Variants in PDE1C observed in about 807,000 individuals in gnomAD.
The protein encoded by PDE1C is dual specificity calcium/calmodulin-dependent 3',5'-cyclic nucleotide phosphodiesterase 1C.
A neutral mutation model predicts 93.1 loss-of-function variants in PDE1C; 62 were observed. The observed-to-expected ratio is 0.67, with a 90% CI of 0.54 to 0.82. The LOEUF (loss-of-function observed/expected upper bound fraction) is 0.82, where lower values mean the gene tolerates loss of function less well. Ranked by LOEUF, PDE1C falls within the 40% of genes least tolerant of loss-of-function variation. The pLI, the probability that PDE1C is intolerant of heterozygous loss-of-function variation, is 0.00. For missense variants in PDE1C, 742 were observed against 884.6 expected (o/e 0.84, Z 2.04); for synonymous variants, 325 against 310.1 (o/e 1.05, Z -0.50).
intron 1 of PDE1C, among the ~76,000 whole-genome samples, chr7:32,271,067 G>A (rs1810929787): frequency 6.6e-6 from 1 of 152,342 alleles, no homozygotes; most frequent in East Asian, 1.9e-4. Flanking sequence ...GAACCCAGGA[G>A]GCAGAGGTTG....
chr7:32,333,658 C>T (rs1247595958), intron 1 of PDE1C, among the ~76,000 whole-genome samples: 3 of 152,182 alleles, frequency 2.0e-5, no homozygotes, highest in South Asian at 4.1e-4. Context: ...ATTTAGCCTC[C>T]TTGACTCAGT....
At chr7:31,957,681 G>C (rs779362766) in intron 2 of PDE1C, among the ~76,000 whole-genome samples, 1 of 152,134 alleles carries the variant, frequency 6.6e-6, no homozygotes, top group Admixed American at 6.5e-5. Context: ...GTGCAGCATT[G>C]CATACACTGG....
chr7:31,986,028 C>G (rs1472733491), intron 2 of PDE1C, among the ~76,000 whole-genome samples: 2 of 152,126 alleles, frequency 1.3e-5, no homozygotes, highest in African/African-American at 4.8e-5. Flanking sequence ...TCACATCTAC[C>G]TGGAAAACTT....
intron 2 of PDE1C, among the ~76,000 whole-genome samples, chr7:32,177,157 A>G (rs1262006765): frequency 6.6e-6 from 1 of 152,252 alleles, no homozygotes; most frequent in African/African-American, 2.4e-5. Flanking sequence ...TGCTCAGCCC[A>G]TGCTGAACTG....
Position 32,342,692 on chromosome 7 carries a change from T to G in PDE1C, c.310+85130A>C, listed in dbSNP as rs1783780812. The stretch of plus-strand genomic sequence containing the variant: ...AAATTTAAATTCCTGTTCTACTAAT[T>G]GTGTGATCTTGGGCAAGTGAGGCCT... On this transcript the variant is annotated intron_variant, in intron 1 of 1. Transcript: ENST00000672256. Among the ~76,000 whole-genome samples the G allele has an allele frequency of 4.6e-5, 7 of 152,270 alleles. No homozygotes were observed. In the South Asian group the frequency reaches 1.2e-3, roughly 27 times the overall value.
At chr7:31,717,016 G>C in the PDE1C span, among the ~76,000 whole-genome samples, 2 of 152,164 alleles carry the variant, frequency 1.3e-5, no homozygotes, top group Non-Finnish European at 2.9e-5. Context: ...TTCATGCAAA[G>C]CATAAAATAT....
intron 1 of PDE1C, among the ~76,000 whole-genome samples, chr7:32,212,116 T>C (rs563958443): frequency 9.3e-4 from 138 of 149,100 alleles, no homozygotes; most frequent in African/African-American, 3.3e-3. Flanking sequence ...AACTTTAAAA[T>C]GACATTTTAA....
intron 3 of PDE1C, among the ~76,000 whole-genome samples, chr7:32,122,559 C>T (rs1326549239): frequency 6.6e-6 from 1 of 152,166 alleles, no homozygotes; most frequent in African/African-American, 2.4e-5. Flanking sequence ...GATTAAGAAA[C>T]TTACTCAAAA....
chr7:32,026,174 A>G (rs1199346267), intron 2 of PDE1C, among the ~76,000 whole-genome samples: 1 of 152,138 alleles, frequency 6.6e-6, no homozygotes, highest in Non-Finnish European at 1.5e-5. Flanking sequence ...TGCCTCCAAG[A>G]TAATTAGAGT....
chr7:31,829,294 T>G (rs1002218879), intron 11 of PDE1C, among the ~76,000 whole-genome samples: 9 of 152,102 alleles, frequency 5.9e-5, no homozygotes, highest in African/African-American at 2.2e-4. Flanking sequence ...CTCTACCTCA[T>G]AGGGTTATAA....
intron 3 of PDE1C, among the ~76,000 whole-genome samples, chr7:32,144,353 TGGCAGCC>T (rs1297020534): frequency 6.6e-6 from 1 of 152,166 alleles, no homozygotes. Context: ...ACTACCAGCT[TGGCAGCC>T]TTTGTGGAAA....
At chr7:31,983,297 T>C (rs1013281560) in intron 2 of PDE1C, among the ~76,000 whole-genome samples, 1 of 152,138 alleles carries the variant, frequency 6.6e-6, no homozygotes, top group Non-Finnish European at 1.5e-5. Flanking sequence ...ATGATCAAAG[T>C]AGAGTCTTAT....
Position 32,161,505 on chromosome 7 carries a change from C to T in PDE1C, c.308+8280G>A, listed in dbSNP as rs191005454. On this transcript the variant is annotated intron_variant, in intron 3 of 18. Transcript: ENST00000396193. ...AAGTTATTGCTCATGCAACTGGAGA[C>T]GAGAAGTGCATTTACCTCGCACCCC... 3.8e-3 allele frequency among the ~76,000 whole-genome samples: 580 copies of T among 152,242 alleles called. 4 individuals carry two copies. The highest frequency in any genetic ancestry group is 0.013 in the African/African-American group (528 of 41,536).
In PDE1C at chr7:32,209,543, G is replaced by GA. The variant is rs112791453; in HGVS notation, c.86-5dup. On this transcript the variant is annotated splice_region_variant and splice_polypyrimidine_tract_variant and intron_variant, in intron 1 of 18. Transcript: ENST00000396193. ...TTGTCTCCAGCTTCATTTGCAACTA[G>GA]AAAAAAAAAAGAGGATGCAATTTAA... The GA allele has an allele frequency of 0.013, 16,073 of 1,239,238 alleles. 14 individuals are homozygous for GA. Among genetic ancestry groups the GA allele is most frequent in the African/African-American group, 0.022 (1,474 of 67,120 alleles). The allele number at this position is 1,239,238 out of a possible 1,614,324, so 76.8% of individuals were successfully genotyped here. A position where few individuals can be genotyped will look rare whatever the true frequency, so the allele number is the denominator to read the frequency against.
At chr7:31,624,194 G>A in the PDE1C span, among the ~76,000 whole-genome samples, 2 of 148,310 alleles carry the variant, frequency 1.3e-5, no homozygotes, top group Non-Finnish European at 3.0e-5. Context: ...TGGCCATACT[G>A]CCCAAGGTAA....
the PDE1C span, among the ~76,000 whole-genome samples, chr7:31,626,322 A>C: frequency 7.2e-5 from 11 of 152,342 alleles, no homozygotes; most frequent in East Asian, 1.9e-3. Flanking sequence ...TGAAGAGTTC[A>C]TTGGTAAAAA....
intron 2 of PDE1C, among the ~76,000 whole-genome samples, chr7:32,194,518 G>T (rs904366946): frequency 6.6e-6 from 1 of 152,096 alleles, no homozygotes; most frequent in African/African-American, 2.4e-5. Context: ...TGTCTTCCTT[G>T]TAGGCTGACC....
At chr7:31,825,080 A>G in intron 12 of PDE1C, 93 bp from the exon 13 acceptor site, 1 of 1,502,104 alleles carries the variant, frequency 6.7e-7, no homozygotes, top group Non-Finnish European at 9.2e-7. Context: ...GTTCCAGATC[A>G]GATTAAAAGA....
At chr7:32,030,588 T>C (rs1027731909) in intron 2 of PDE1C, among the ~76,000 whole-genome samples, 21 of 152,054 alleles carry the variant, frequency 1.4e-4, no homozygotes, top group African/African-American at 5.1e-4. Context: ...CTGGGCATAT[T>C]GAATATTTTA....
Sources: gnomAD v4.1 joint callset for allele counts (sites outside exome capture counted in the v4.1 genomes callset) on GRCh38, gnomAD v4.1.1 for gene constraint, MANE v1.5 for transcripts, NCBI Gene and HGNC (gene_info 2026-07-23, HGNC 2026-07-21) for gene names.